ADAMTSL3: variants seen among roughly 807,000 people sequenced by gnomAD.
ADAMTSL3 encodes ADAMTS like 3, also known as ADAMTS-like protein 3.
Under a neutral mutation model 201.7 loss-of-function variants are expected in ADAMTSL3, and 128 were observed. The observed-to-expected ratio is 0.63, with a 90% CI of 0.55 to 0.73. ADAMTSL3 has a LOEUF of 0.73. ADAMTSL3 is among the 30% of genes least tolerant of loss of function. The pLI, the probability that ADAMTSL3 is intolerant of heterozygous loss-of-function variation, is 0.00. For synonymous variants in ADAMTSL3, 738 were observed against 748.4 expected, an observed-to-expected ratio of 0.99 and a Z score of 0.23; for missense variants, 1,990 against 2,119.6, an observed-to-expected ratio of 0.94 and a Z score of 1.20.
chr15:83,737,457 G>A (rs1332878559), intron 3 of ADAMTSL3, among the ~76,000 whole-genome samples: 2 of 152,124 alleles, frequency 1.3e-5, no homozygotes, highest in Non-Finnish European at 1.5e-5. Context: ...GGTTTTATAA[G>A]TGTTTGGCAA....
intron 25 of ADAMTSL3, among the ~76,000 whole-genome samples, chr15:84,018,089 A>G (rs1311840731): frequency 6.6e-6 from 1 of 152,238 alleles, no homozygotes; most frequent in East Asian, 1.9e-4. Context: ...GCCTAAAATA[A>G]ATTAATGAAA....
chr15:83,683,626 A>G (rs1016570619), intron 2 of ADAMTSL3, among the ~76,000 whole-genome samples: 11 of 152,204 alleles, frequency 7.2e-5, no homozygotes, highest in African/African-American at 2.7e-4. Flanking sequence ...GAAGAAGTCC[A>G]CGTCAAATTG....
chr15:83,951,170 C>T (rs1326842588), intron 19 of ADAMTSL3, among the ~76,000 whole-genome samples: 2 of 151,082 alleles, frequency 1.3e-5, no homozygotes, highest in African/African-American at 4.9e-5. Context: ...ACATGGCTTT[C>T]ATTGTGTTGA....
chr15:83,920,562 G>A (rs910484538), intron 16 of ADAMTSL3, among the ~76,000 whole-genome samples: 10 of 152,254 alleles, frequency 6.6e-5, no homozygotes, highest in African/African-American at 2.4e-4. Flanking sequence ...TACCCCTTCA[G>A]TCAAACTAGC....
intron 9 of ADAMTSL3, among the ~76,000 whole-genome samples, chr15:83,883,215 C>T (rs2065312259): frequency 6.6e-6 from 1 of 151,116 alleles, no homozygotes; most frequent in Non-Finnish European, 1.5e-5. Flanking sequence ...CTCTGTTGCC[C>T]AGGCTGGAGT....
intron 4 of ADAMTSL3, among the ~76,000 whole-genome samples, chr15:83,775,630 G>A (rs991472760): frequency 6.6e-6 from 1 of 152,176 alleles, no homozygotes; most frequent in African/African-American, 2.4e-5. Flanking sequence ...AGAGGAAAGG[G>A]AGGCAGGAGA....
intron 19 of ADAMTSL3, among the ~76,000 whole-genome samples, chr15:83,960,561 AG>A (rs2066948263): frequency 6.6e-6 from 1 of 152,130 alleles, no homozygotes; most frequent in South Asian, 2.1e-4. Context: ...GACATAGCTG[AG>A]GGAGAAGGCA....
At chr15:84,029,758 C>T (rs1383497167) in intron 27 of ADAMTSL3, among the ~76,000 whole-genome samples, 2 of 152,226 alleles carry the variant, frequency 1.3e-5, no homozygotes, top group African/African-American at 4.8e-5. Flanking sequence ...GTCTTCACAG[C>T]AGCCCCTCCC....
Position 83,983,072 on chromosome 15 carries a change from T to C in ADAMTSL3, c.3444T>C (p.Ala1148=). 6.2e-7 allele frequency: 1 copy of C among 1,614,138 alleles called. No individual in the cohort carries two copies. The highest frequency in any genetic ancestry group is 8.5e-7 in the Non-Finnish European group (1 of 1,180,028). ...WRGIQEETPP[A]AQLRGETGSV... is the part of the protein sequence containing the mutation. Reference sequence around the variant, plus strand: ...GCATCCAGGAAGAGACACCTCCTGCTGCTCAGCTCAGAGGGGAAACAGGGA... The same window carrying C: ...GCATCCAGGAAGAGACACCTCCTGCCGCTCAGCTCAGAGGGGAAACAGGGA... Residue 1148 remains alanine (A), a synonymous_variant, in exon 21 of 30, where the codon GCT becomes GCC. Coordinates refer to ENST00000286744, the MANE Select transcript of ADAMTSL3 (RefSeq NM_207517.3).
At chr15:83,988,657 A>C (rs1340137989) in intron 21 of ADAMTSL3, 34 bp from the exon 22 acceptor site, 1 of 1,532,106 alleles carries the variant, frequency 6.5e-7, no homozygotes, top group African/African-American at 1.4e-5. Context: ...TTAAATTGTT[A>C]TATGAATGTG....
chr15:83,771,919 C>T lies in ADAMTSL3; in HGVS notation c.190-1604C>T, dbSNP rs368737700. ...TCACCCAGCCTGGAGTGCAGTGGCACGATCTCAGCTGTCACCTCTGCCTCC... is the reference window on the plus strand; with the variant it reads ...TCACCCAGCCTGGAGTGCAGTGGCATGATCTCAGCTGTCACCTCTGCCTCC... On this transcript the variant is annotated intron_variant, in intron 3 of 29. Coordinates refer to ENST00000286744, the MANE Select transcript of ADAMTSL3 (RefSeq NM_207517.3). Among the ~76,000 whole-genome samples, 21 of 151,860 alleles carry T rather than the reference C, an allele frequency of 1.4e-4. No homozygotes were observed. In the East Asian group the frequency reaches 2.5e-3, roughly 18 times the overall value.
chr15:83,870,585 A>C (rs1461518144), intron 8 of ADAMTSL3, among the ~76,000 whole-genome samples: 1 of 152,128 alleles, frequency 6.6e-6, no homozygotes, highest in Admixed American at 6.6e-5. Context: ...ATTTGAGTAG[A>C]ACTATTTGGG....
chr15:83,910,219 A>T (rs911910679), intron 15 of ADAMTSL3, among the ~76,000 whole-genome samples: 1 of 151,922 alleles, frequency 6.6e-6, no homozygotes, highest in Non-Finnish European at 1.5e-5. Flanking sequence ...CAGTGAAATG[A>T]TATTCTTTTT....
In ADAMTSL3 at chr15:83,692,956, G is replaced by A. The variant is rs143893229; in HGVS notation, c.70-11433G>A. Among the ~76,000 whole-genome samples, 629 of 152,288 alleles carry A rather than the reference G, an allele frequency of 4.1e-3. 4 individuals carry two copies. Among genetic ancestry groups the A allele is most frequent in the African/African-American group, 0.014 (596 of 41,552 alleles). Reference sequence around the variant, plus strand: ...TCCTGAAAGAAATAAAGCTGTAGGGGTGAGAAAGACCTTGAATAAACATGA... The same window carrying A: ...TCCTGAAAGAAATAAAGCTGTAGGGATGAGAAAGACCTTGAATAAACATGA... On this transcript the variant is annotated intron_variant, in intron 2 of 29. Transcript: ENST00000286744.
intron 2 of ADAMTSL3, among the ~76,000 whole-genome samples, chr15:83,683,732 C>T (rs769265529): frequency 2.0e-5 from 3 of 152,156 alleles, no homozygotes; most frequent in Non-Finnish European, 4.4e-5. Context: ...CTGTACCCGG[C>T]GCCTCCTTCA....
At chr15:84,011,667 G>A (rs1026561898) in intron 23 of ADAMTSL3, among the ~76,000 whole-genome samples, 4 of 152,114 alleles carry the variant, frequency 2.6e-5, no homozygotes, top group African/African-American at 7.2e-5. Flanking sequence ...TTGTCATTAT[G>A]TGCAAATGAT....
intron 3 of ADAMTSL3, among the ~76,000 whole-genome samples, chr15:83,748,141 ACACTGCTCCTTT>A (rs1421910212): frequency 9.2e-5 from 14 of 152,344 alleles, no homozygotes; most frequent in African/African-American, 2.9e-4. Context: ...CATCAAAAGT[ACACTGCTCCTTT>A]CTTCAGTGCC....
At chr15:83,726,029 G>A (rs1213433430) in intron 3 of ADAMTSL3, among the ~76,000 whole-genome samples, 2 of 152,038 alleles carry the variant, frequency 1.3e-5, no homozygotes, top group Non-Finnish European at 2.9e-5. Flanking sequence ...CCATGAATAT[G>A]GAATATCTTT....
intron 3 of ADAMTSL3, among the ~76,000 whole-genome samples, chr15:83,720,035 C>T (rs1237951655): frequency 2.0e-5 from 3 of 152,156 alleles, no homozygotes; most frequent in Non-Finnish European, 2.9e-5. Context: ...GACTGACCAA[C>T]ATGGCAAAAC....
Sources: allele counts gnomAD v4.1 joint callset (sites outside exome capture counted in the v4.1 genomes callset), GRCh38; gene constraint gnomAD v4.1.1; transcripts MANE v1.5; gene names NCBI Gene and HGNC (gene_info 2026-07-23, HGNC 2026-07-21).